The following PTK2 variants were observed in gnomAD, a reference collection of about 807,000 sequenced individuals.
The protein encoded by PTK2 is focal adhesion kinase 1.
A neutral mutation model predicts 150.1 loss-of-function variants in PTK2; 45 were observed. The ratio of observed to expected loss-of-function variants is 0.30; its 90% confidence interval spans 0.24 to 0.38. The LOEUF is 0.38. PTK2 is among the 10% of genes least tolerant of loss of function. The pLI is 1.00. For synonymous variants in PTK2, 432 were observed against 449.2 expected (o/e 0.96, Z 0.48); for missense variants, 919 against 1,307.3 (o/e 0.70, Z 4.58).
rs34040387 is a variant in PTK2 at position 140,983,380 on chromosome 8, CAAAAAAAAAA to C, written c.-122+17735_-122+17744del. Among the ~76,000 whole-genome samples the C allele has an allele frequency of 2.7e-4, 21 of 78,536 alleles. No individual in the cohort carries two copies. In the East Asian group the frequency reaches 7.4e-3, roughly 28 times the overall value. 51.5% of individuals were successfully genotyped at this position (78,536 alleles called of 152,430 possible). Reference sequence around the variant, plus strand: ...TGGGCAACAGAGTAAGACTCCATCTCAAAAAAAAAAAAAAAAAAAAAATCTTTGTTAAGGC... The same window carrying C: ...TGGGCAACAGAGTAAGACTCCATCTCAAAAAAAAAAAATCTTTGTTAAGGC... On this transcript the variant is annotated intron_variant, in intron 1 of 31. Transcript: ENST00000522684.
chr8:140,689,454 T>G (rs1276305052), intron 26 of PTK2, among the ~76,000 whole-genome samples: 1 of 152,208 alleles, frequency 6.6e-6, no homozygotes, highest in Non-Finnish European at 1.5e-5. Context: ...GATAACTAAA[T>G]ATAACTCATG....
intron 3 of PTK2, among the ~76,000 whole-genome samples, chr8:140,885,242 T>C (rs2100151840): frequency 6.6e-6 from 1 of 152,222 alleles, no homozygotes; most frequent in East Asian, 1.9e-4. Context: ...TTTGTGGTTA[T>C]TTGTCAATTA....
At chr8:140,768,659 T>C (rs73714747) in intron 14 of PTK2, among the ~76,000 whole-genome samples, 3,289 of 152,320 alleles carry the variant, frequency 0.022, 122 homozygotes, top group African/African-American at 0.076. Context: ...AGTGATATTC[T>C]GAATGACTGC....
At chr8:140,980,532 G>T (rs2100191025) in intron 1 of PTK2, among the ~76,000 whole-genome samples, 1 of 152,086 alleles carries the variant, frequency 6.6e-6, no homozygotes, top group Non-Finnish European at 1.5e-5. Context: ...TGAGGCAAGA[G>T]AATGGTGTGA....
intron 1 of PTK2, among the ~76,000 whole-genome samples, chr8:140,945,195 T>G (rs922628220): frequency 4.6e-5 from 7 of 152,250 alleles, no homozygotes; most frequent in Admixed American, 3.3e-4. Context: ...GTAAAGATTT[T>G]TCCGTAAATC....
chr8:140,750,127 T>A (rs1237379685), intron 17 of PTK2: 1 of 152,232 alleles, frequency 6.6e-6, no homozygotes, highest in Non-Finnish European at 1.5e-5. Flanking sequence ...GGCCTTCTCT[T>A]GTACTTAAGT....
At chr8:140,739,496 A>T (rs922249448) in intron 20 of PTK2, among the ~76,000 whole-genome samples, 4 of 152,238 alleles carry the variant, frequency 2.6e-5, no homozygotes, top group Admixed American at 2.6e-4. Context: ...CTAATAATAA[A>T]TAATATATAG....
chr8:140,901,394 C>T (rs551120560), intron 2 of PTK2, among the ~76,000 whole-genome samples: 2 of 152,240 alleles, frequency 1.3e-5, no homozygotes, highest in South Asian at 2.1e-4. Context: ...CTCAAAAATA[C>T]AGGCAACTAA....
chr8:140,797,442 A>G (rs377416654), intron 12 of PTK2, among the ~76,000 whole-genome samples: 1 of 152,240 alleles, frequency 6.6e-6, no homozygotes, highest in African/African-American at 2.4e-5. Context: ...TCAGCAGCAC[A>G]TAAGTGTTTT....
chr8:140,957,696 A>C (rs2100181662), intron 1 of PTK2, among the ~76,000 whole-genome samples: 1 of 152,070 alleles, frequency 6.6e-6, no homozygotes, highest in South Asian at 2.1e-4. Flanking sequence ...TCATATTCTT[A>C]TTGTACCTTT....
chr8:140,672,317 G>A (rs1216961158), intron 29 of PTK2, among the ~76,000 whole-genome samples: 3 of 152,114 alleles, frequency 2.0e-5, no homozygotes, highest in Admixed American at 2.0e-4. Context: ...TCATAGAGGT[G>A]CGCCACCATG....
intron 1 of PTK2, among the ~76,000 whole-genome samples, chr8:140,973,567 T>C (rs1002036989): frequency 2.0e-5 from 3 of 151,768 alleles, no homozygotes; most frequent in South Asian, 2.1e-4. Context: ...ACTCATAGGA[T>C]AGATGTAAAT....
intron 27 of PTK2, among the ~76,000 whole-genome samples, chr8:140,678,813 G>C (rs1381416285): frequency 6.6e-6 from 1 of 152,090 alleles, no homozygotes; most frequent in Non-Finnish European, 1.5e-5. Context: ...GGCAGATAGA[G>C]AGGCGTGAGG....
chr8:140,714,618 G>A (rs1041068259), intron 23 of PTK2, among the ~76,000 whole-genome samples: 3 of 151,572 alleles, frequency 2.0e-5, no homozygotes, highest in South Asian at 4.2e-4. Flanking sequence ...CCAACATGGT[G>A]AAACCCTGTC....
intron 22 of PTK2, among the ~76,000 whole-genome samples, chr8:140,725,914 T>A (rs1384316242): frequency 6.6e-6 from 1 of 151,214 alleles, no homozygotes. Context: ...AGGCTGATTC[T>A]AAAGATGACT....
chr8:140,972,310 G>T (rs2100187609), intron 1 of PTK2, among the ~76,000 whole-genome samples: 1 of 151,964 alleles, frequency 6.6e-6, no homozygotes, highest in South Asian at 2.1e-4. Context: ...TGTCACCCAG[G>T]CTGGAGTACA....
In PTK2 at chr8:140,890,784, A is replaced by G. The variant is rs749789373; in HGVS notation, c.-32-15T>C. On this transcript the variant is annotated splice_polypyrimidine_tract_variant and intron_variant, in intron 2 of 31. Transcript: ENST00000522684. Reference sequence around the variant, plus strand: ...TCTGTCATATTCTGTTAAAAGAACAAAATAATTTTTTGTGTATAATACTTG... The same window carrying G: ...TCTGTCATATTCTGTTAAAAGAACAGAATAATTTTTTGTGTATAATACTTG... 5 of 1,605,868 alleles carry G rather than the reference A, an allele frequency of 3.1e-6. No homozygotes were observed. The South Asian group carries it at 5.5e-5, about 18-fold the overall frequency.
intron 20 of PTK2, among the ~76,000 whole-genome samples, chr8:140,742,004 C>A (rs143867745): frequency 6.6e-6 from 1 of 152,116 alleles, no homozygotes; most frequent in African/African-American, 2.4e-5. Flanking sequence ...GGCATGGTGG[C>A]GCACGCCCGT....
At chr8:140,863,640 T>TACTG (rs1283595089) in intron 5 of PTK2, among the ~76,000 whole-genome samples, 1 of 152,202 alleles carries the variant, frequency 6.6e-6, no homozygotes, top group African/African-American at 2.4e-5. Context: ...ACCAAATCTA[T>TACTG]ACTGGGTCAG....
Sources: allele counts gnomAD v4.1 joint callset (sites outside exome capture counted in the v4.1 genomes callset), GRCh38; gene constraint gnomAD v4.1.1; transcripts MANE v1.5; gene names NCBI Gene and HGNC (gene_info 2026-07-23, HGNC 2026-07-21).